LEAP2: variants seen among roughly 807,000 people sequenced by gnomAD.
The protein encoded by LEAP2 is liver enriched antimicrobial peptide 2, also known as liver-expressed antimicrobial peptide 2.
In LEAP2, 13 loss-of-function variants were observed where a neutral mutation model predicts 9.3. The observed-to-expected ratio is 1.39, with a 90% CI of 0.91 to 2.21. The LOEUF (loss-of-function observed/expected upper bound fraction) is 2.21, where lower values mean the gene tolerates loss of function less well. Ranked by LOEUF, LEAP2 falls within the 30% of genes most tolerant of loss-of-function variation. The pLI is 0.00. For synonymous variants in LEAP2, 34 were observed against 34.9 expected, an observed-to-expected ratio of 0.98 and a Z score of 0.09; for missense variants, 98 against 94.0, an observed-to-expected ratio of 1.04 and a Z score of -0.17.
Position 132,874,693 on chromosome 5 carries a change from T to C in LEAP2, c.*247T>C, listed in dbSNP as rs1038092982. On this transcript the variant is annotated 3_prime_UTR_variant, in exon 3 of 3. Coordinates refer to ENST00000296877, the MANE Select transcript of LEAP2 (RefSeq NM_052971.3). The stretch of plus-strand genomic sequence containing the variant: ...TATGGATACTATTAAATGTCTCAAA[T>C]TGAAATTTTAGCAGTCTGGAATTCA... 7 of 584,842 alleles carry C rather than the reference T, an allele frequency of 1.2e-5. No homozygotes were observed. Among genetic ancestry groups the C allele is most frequent in the Non-Finnish European group, 1.5e-5 (5 of 327,818 alleles). The allele number at this position is 584,842 out of a possible 1,614,324, so 36.2% of individuals were successfully genotyped here.
Position 132,874,099 on chromosome 5 carries a change from G to A in LEAP2, c.197+10G>A. 1 of 1,608,960 alleles carries A rather than the reference G, an allele frequency of 6.2e-7. No homozygotes were observed. ...TCACAAGGCTATGCAGGTACTCCCT[G>A]AACCTGGGAGCAGGGTTGGGCCAGA... On this transcript the variant is annotated intron_variant, in intron 2 of 2. Transcript: ENST00000296877.
chr5:132,874,338 G>A lies in LEAP2; in HGVS notation c.198-72G>A. Reference sequence around the variant, plus strand: ...ACTGGACAGATCAAGCAAAGAGGAAGGAAATGCAGCATAGGTGGCCCTGGT... The same window carrying A: ...ACTGGACAGATCAAGCAAAGAGGAAAGAAATGCAGCATAGGTGGCCCTGGT... On this transcript the variant is annotated intron_variant, in intron 2 of 2. Coordinates refer to ENST00000296877, the MANE Select transcript of LEAP2 (RefSeq NM_052971.3). The A allele has an allele frequency of 7.7e-6, 10 of 1,306,880 alleles. No individual in the cohort carries two copies. The South Asian group carries it at 9.4e-5, about 12-fold the overall frequency. The allele number at this position is 1,306,880 out of a possible 1,614,324, so 81.0% of individuals were successfully genotyped here.
rs1759779987 is a variant in LEAP2 at position 132,873,994 on chromosome 5, G to A, written c.102G>A (p.Arg34=). Residue 34 remains arginine (R), a synonymous_variant, in exon 2 of 3, where the codon AGG becomes AGA. Transcript: ENST00000296877. ...PIPEVSSAKR[R]PRRMTPFWRG... is the part of the protein sequence containing the mutation. ...CAGAAGTGAGTTCGGCAAAGAGAAG[G>A]CCACGGAGAATGACCCCATTTTGGA... 6.2e-7 allele frequency: 1 copy of A among 1,614,128 alleles called. No individual in the cohort carries two copies. Among genetic ancestry groups the A allele is most frequent in the African/African-American group, 1.3e-5 (1 of 75,040 alleles).
At position 132,873,930 on chromosome 5, in the gene LEAP2, G is replaced by A. The variant is rs758206502; in HGVS notation, c.58-20G>A. The A allele has an allele frequency of 1.2e-6, 2 of 1,613,200 alleles. No individual in the cohort carries two copies. Among genetic ancestry groups the A allele is most frequent in the Middle Eastern group, 1.7e-4 (1 of 6,054 alleles). On this transcript the variant is annotated intron_variant, in intron 1 of 2. Transcript: ENST00000296877. ...GCAGGGTGTCAACACTTTCATATCT[G>A]AATGTCTTTGCCCTTACAGATAGAT...
intron 1 of LEAP2, 66 bp downstream of exon 1, chr5:132,873,817 A>G (rs1248829463): frequency 1.3e-6 from 2 of 1,582,124 alleles, no homozygotes; most frequent in Non-Finnish European, 1.7e-6. Flanking sequence ...GTGGAACTTG[A>G]AAGCTAGATT....
Position 132,874,763 on chromosome 5 carries a change from A to G in LEAP2, c.*317A>G, listed in dbSNP as rs368037675. ...GATTCATTTTGTATACTAAAGAAAA[A>G]AACAGCATTGCCCAATAATGTGTTA... On this transcript the variant is annotated 3_prime_UTR_variant, in exon 3 of 3. Transcript: ENST00000296877. The G allele has an allele frequency of 3.7e-5, 17 of 461,834 alleles. No homozygotes were observed. In the East Asian group the frequency reaches 4.4e-4, roughly 12 times the overall value. The allele number at this position is 461,834 out of a possible 1,614,324, so 28.6% of individuals were successfully genotyped here.
At chr5:132,874,206 G>T in intron 2 of LEAP2, 117 bp downstream of exon 2, 1 of 1,178,114 alleles carries the variant, frequency 8.5e-7, no homozygotes, top group Admixed American at 2.2e-5. Flanking sequence ...GTTCTAGACT[G>T]AGACTGGGAG....
In LEAP2 at chr5:132,874,731, A is replaced by C; in HGVS notation, c.*285A>C. ...AGTCTGGAATTCAAGCTTTTGAGGG[A>C]AAGAAGGATTCATTTTGTATACTAA... On this transcript the variant is annotated 3_prime_UTR_variant, in exon 3 of 3. Transcript: ENST00000296877. 1.8e-6 allele frequency: 1 copy of C among 545,776 alleles called. No homozygotes were observed. Among genetic ancestry groups the C allele is most frequent in the Non-Finnish European group, 3.3e-6 (1 of 304,636 alleles). 33.8% of individuals were successfully genotyped at this position (545,776 alleles called of 1,614,324 possible).
In LEAP2 at chr5:132,874,636, A is replaced by G; in HGVS notation, c.*190A>G. The stretch of plus-strand genomic sequence containing the variant: ...AGAATGTTGATATATGGATAAGCAT[A>G]ACTAAACTTGTCAATTTAGAGTTTA... On this transcript the variant is annotated 3_prime_UTR_variant, in exon 3 of 3. Transcript: ENST00000296877. 2 of 676,256 alleles carry G rather than the reference A, an allele frequency of 3.0e-6. No homozygotes were observed. The highest frequency in any genetic ancestry group is 1.6e-5 in the South Asian group (1 of 62,748). 41.9% of individuals were successfully genotyped at this position (676,256 alleles called of 1,614,324 possible). A position where few individuals can be genotyped will look rare whatever the true frequency, so the allele number is the denominator to read the frequency against.
At chr5:132,874,361 G>A in intron 2 of LEAP2, 49 bp from the exon 3 acceptor site, 4 of 1,512,970 alleles carry the variant, frequency 2.6e-6, no homozygotes, top group Non-Finnish European at 3.7e-6. Context: ...AGGTGGCCCT[G>A]GTCATTCCTA....
chr5:132,873,816 G>A, intron 1 of LEAP2, 65 bp downstream of exon 1: 3 of 1,583,158 alleles, frequency 1.9e-6, no homozygotes, highest in Non-Finnish European at 2.6e-6. Flanking sequence ...GGTGGAACTT[G>A]AAAGCTAGAT....
In LEAP2 at chr5:132,873,721, C is replaced by T. The variant is rs755173507; in HGVS notation, c.27C>T (p.Val9=). 2 of 1,614,078 alleles carry T rather than the reference C, an allele frequency of 1.2e-6. No homozygotes were observed. The highest frequency in any genetic ancestry group is 1.7e-6 in the Non-Finnish European group (2 of 1,179,954). The part of the protein sequence containing the change: MWHLKLCA[V]LMIFLLLLGQ... ...TGTGGCACCTCAAACTTTGTGCAGTCCTCATGATCTTCCTGTTGCTGTTGG... is the reference window on the plus strand; with the variant it reads ...TGTGGCACCTCAAACTTTGTGCAGTTCTCATGATCTTCCTGTTGCTGTTGG... Residue 9 remains valine, a synonymous_variant, in exon 1 of 3, where the codon GTC becomes GTT. Transcript: ENST00000296877.
In LEAP2 at chr5:132,874,672, G is replaced by T; in HGVS notation, c.*226G>T. On this transcript the variant is annotated 3_prime_UTR_variant, in exon 3 of 3. Transcript: ENST00000296877. ...TCAATTTAGAGTTTATTTTTCTATG[G>T]ATACTATTAAATGTCTCAAATTGAA... The T allele has an allele frequency of 1.6e-6, 1 of 621,398 alleles. No individual in the cohort carries two copies. The highest frequency in any genetic ancestry group is 3.0e-4 in the Middle Eastern group (1 of 3,364). 38.5% of individuals were successfully genotyped at this position (621,398 alleles called of 1,614,324 possible). A position where few individuals can be genotyped will look rare whatever the true frequency, so the allele number is the denominator to read the frequency against.
chr5:132,874,465 A>G lies in LEAP2; in HGVS notation c.*19A>G, dbSNP rs550686037. On this transcript the variant is annotated 3_prime_UTR_variant, in exon 3 of 3. Coordinates refer to ENST00000296877, the MANE Select transcript of LEAP2 (RefSeq NM_052971.3). ...GGAATGATGTACATACCAGGGAAAG[A>G]AAGGACAGCAGTCACCTCCGACAAT... 6.2e-7 allele frequency: 1 copy of G among 1,609,906 alleles called. No individual in the cohort carries two copies. Among genetic ancestry groups the G allele is most frequent in the Admixed American group, 1.7e-5 (1 of 59,996 alleles).
Position 132,874,502 on chromosome 5 carries a change from T to C in LEAP2, c.*56T>C, listed in dbSNP as rs1759789630. The stretch of plus-strand genomic sequence containing the variant: ...TCACCTCCGACAATGCTCCGTTCTA[T>C]GGAATATTGATTAACTGCATTTTGG... On this transcript the variant is annotated 3_prime_UTR_variant, in exon 3 of 3. Coordinates refer to ENST00000296877, the MANE Select transcript of LEAP2 (RefSeq NM_052971.3). 18 of 1,474,102 alleles carry C rather than the reference T, an allele frequency of 1.2e-5. No homozygotes were observed. The highest frequency in any genetic ancestry group is 9.0e-5 in the East Asian group (4 of 44,268). The allele number at this position is 1,474,102 out of a possible 1,614,324, so 91.3% of individuals were successfully genotyped here. A position where few individuals can be genotyped will look rare whatever the true frequency, so the allele number is the denominator to read the frequency against.
intron 1 of LEAP2, 41 bp from the exon 2 acceptor site, chr5:132,873,909 G>A (rs1476538680): frequency 1.2e-6 from 2 of 1,611,240 alleles, no homozygotes; most frequent in East Asian, 2.2e-5. Context: ...TGTGCAGCAG[G>A]GTGTCAACAC....
chr5:132,874,292 C>T, intron 2 of LEAP2, 118 bp from the exon 3 acceptor site: 3 of 1,046,406 alleles, frequency 2.9e-6, no homozygotes, highest in South Asian at 2.6e-5. Context: ...GGTGCCTTTC[C>T]ATTCTTCAGT....
At chr5:132,873,788 T>TG in intron 1 of LEAP2, 37 bp downstream of exon 1, 4 of 1,594,848 alleles carry the variant, frequency 2.5e-6, no homozygotes, top group Non-Finnish European at 3.4e-6. Flanking sequence ...GTGTGTGGAG[T>TG]GTGGAGATGA....
chr5:132,874,502 T>A lies in LEAP2; in HGVS notation c.*56T>A. 1.4e-6 allele frequency: 2 copies of A among 1,474,220 alleles called. No homozygotes were observed. The highest frequency in any genetic ancestry group is 1.9e-6 in the Non-Finnish European group (2 of 1,052,946). 91.3% of individuals were successfully genotyped at this position (1,474,220 alleles called of 1,614,324 possible). A position where few individuals can be genotyped will look rare whatever the true frequency, so the allele number is the denominator to read the frequency against. On this transcript the variant is annotated 3_prime_UTR_variant, in exon 3 of 3. Coordinates refer to ENST00000296877, the MANE Select transcript of LEAP2 (RefSeq NM_052971.3). ...TCACCTCCGACAATGCTCCGTTCTA[T>A]GGAATATTGATTAACTGCATTTTGG...
Sources: gnomAD v4.1 joint callset for allele counts on GRCh38, gnomAD v4.1.1 for gene constraint, MANE v1.5 for transcripts, NCBI Gene and HGNC (gene_info 2026-07-23, HGNC 2026-07-21) for gene names.